ZNF285: variants seen among roughly 807,000 people sequenced by gnomAD.
ZNF285 encodes zinc finger protein 285, also known as zinc finger protein 285A.
A neutral mutation model predicts 6.2 loss-of-function variants in ZNF285; 4 were observed. The ratio of observed to expected loss-of-function variants is 0.65; its 90% CI spans 0.32 to 1.49. The LOEUF (loss-of-function observed/expected upper bound fraction) is 1.49, where lower values mean the gene tolerates loss of function less well. ZNF285 is among the 40% of genes most tolerant of loss of function. The pLI is 0.07. For synonymous variants in ZNF285, 240 were observed against 245.8 expected (o/e 0.98, Z 0.22); for missense variants, 695 against 708.8 (o/e 0.98, Z 0.22).
At position 44,392,479 on chromosome 19, in the gene ZNF285, C is replaced by T. The variant is rs753953581; in HGVS notation, c.16-13G>A. ...ATGTCACCCTTTCCTAAAACATCAACCACATGCCACGTCAATCATCCACAC... is the reference window on the plus strand; with the variant it reads ...ATGTCACCCTTTCCTAAAACATCAATCACATGCCACGTCAATCATCCACAC... On this transcript the variant is annotated splice_polypyrimidine_tract_variant and intron_variant, in intron 2 of 3. Coordinates refer to ENST00000614994, the MANE Select transcript of ZNF285 (RefSeq NM_152354.6). 6 of 1,613,820 alleles carry T rather than the reference C, an allele frequency of 3.7e-6. No homozygotes were observed. In the East Asian group the frequency reaches 6.7e-5, roughly 18 times the overall value.
chr19:44,390,464 C>G (rs1971174634), intron 3 of ZNF285, among the ~76,000 whole-genome samples: 1 of 152,170 alleles, frequency 6.6e-6, no homozygotes, highest in Non-Finnish European at 1.5e-5. Flanking sequence ...TTTGGAACAG[C>G]TGTATTTACA....
rs1282600626 is a variant in ZNF285, at chr19:44,387,650, T to C, written c.595A>G (p.Lys199Glu). 5.6e-6 allele frequency: 9 copies of C among 1,613,924 alleles called. No homozygotes were observed. Among genetic ancestry groups the C allele is most frequent in the African/African-American group, 2.7e-5 (2 of 75,020 alleles). ...SCDHHESQEC[K>E]GEDPGRHPSC... ...GGATGTCTACCAGGGTCCTCTCCTT[T>C]ACATTCTTGGGACTCATGATGATCA... The change falls in exon 4 of 4, where the codon AAA (lysine) becomes GAA (glutamate). Residue 199 changes from lysine to glutamate, a missense_variant. Lys to Glu is a moderately conservative substitution (Grantham distance 56). Transcript: ENST00000614994.
chr19:44,385,588 G>A lies in ZNF285; in HGVS notation c.*884C>T, dbSNP rs1971055944. ...ACATATTGCTATAAAATCCCTCCAT[G>A]CTAGTCAGGATAGCCTAGGCAATGC... is the stretch of plus-strand genomic sequence containing the variant. On this transcript the variant is annotated 3_prime_UTR_variant, in exon 4 of 4. Transcript: ENST00000614994. The A allele has an allele frequency of 6.6e-6, 1 of 152,164 alleles. No individual in the cohort carries two copies. Among genetic ancestry groups the A allele is most frequent in the Non-Finnish European group, 1.5e-5 (1 of 68,038 alleles). The allele number at this position is 152,164 out of a possible 1,614,324, so 9.4% of individuals were successfully genotyped here. A position where few individuals can be genotyped will look rare whatever the true frequency, so the allele number is the denominator to read the frequency against.
rs576447401 is a variant in ZNF285, at chr19:44,394,155, G to A, written c.16-1689C>T. ...AAACCATCATTCTCAGCAAACTATC[G>A]CAAGGATAAAAAACCAAACACCACA... On this transcript the variant is annotated intron_variant, in intron 2 of 3. Coordinates refer to ENST00000614994, the MANE Select transcript of ZNF285 (RefSeq NM_152354.6). Among the ~76,000 whole-genome samples the A allele has an allele frequency of 1.3e-3, 202 of 151,988 alleles. 1 individual carries two copies. The highest frequency in any genetic ancestry group is 2.4e-3 in the Non-Finnish European group (160 of 68,010).
At position 44,383,097 on chromosome 19, in the gene ZNF285, G is replaced by T. The variant is rs1042746650; in HGVS notation, c.*3375C>A. On this transcript the variant is annotated 3_prime_UTR_variant, in exon 4 of 4. Coordinates refer to ENST00000614994, the MANE Select transcript of ZNF285 (RefSeq NM_152354.6). The stretch of plus-strand genomic sequence containing the variant: ...ATAGTAATGCTATGAATTTTCACAT[G>T]CCAATTTCGTGTGAAACCAATTTGT... 1 of 152,144 alleles carries T rather than the reference G, an allele frequency of 6.6e-6. No individual in the cohort carries two copies. The highest frequency in any genetic ancestry group is 1.9e-4 in the East Asian group (1 of 5,208). 9.4% of individuals were successfully genotyped at this position (152,144 alleles called of 1,614,324 possible). A position where few individuals can be genotyped will look rare whatever the true frequency, so the allele number is the denominator to read the frequency against.
Position 44,387,716 on chromosome 19 carries a change from T to A in ZNF285, c.529A>T (p.Arg177Ter). 1 of 1,613,924 alleles carries A rather than the reference T, an allele frequency of 6.2e-7. No homozygotes were observed. The highest frequency in any genetic ancestry group is 2.2e-5 in the East Asian group (1 of 44,886). Residue 177 changes from arginine (R) to a stop codon, truncating the protein, a stop_gained, in exon 4 of 4, where the codon AGA becomes TGA. Coordinates refer to ENST00000614994, the MANE Select transcript of ZNF285 (RefSeq NM_152354.6). LOFTEE classifies it low-confidence loss of function (END_TRUNC). Reference sequence around the variant, plus strand: ...AGGCTGTCATCATGCTGAGCACGTCTGTACAATTTCTCTTCCATGTAAATT... The same window carrying A: ...AGGCTGTCATCATGCTGAGCACGTCAGTACAATTTCTCTTCCATGTAAATT... ...KGIYMEEKLY[R>*]RAQHDDSLSW...
intron 1 of ZNF285, among the ~76,000 whole-genome samples, chr19:44,399,322 G>A (rs2437019): frequency 0.33 from 43,563 of 130,198 alleles, 10,144 homozygotes; most frequent in East Asian, 0.72. Flanking sequence ...GAATTACATC[G>A]TTTTACAATA....
At position 44,383,396 on chromosome 19, in the gene ZNF285, C is replaced by G. The variant is rs2123251198; in HGVS notation, c.*3076G>C. The G allele has an allele frequency of 6.6e-6, 1 of 152,310 alleles. No homozygotes were observed. Among genetic ancestry groups the G allele is most frequent in the African/African-American group, 2.4e-5 (1 of 41,568 alleles). 9.4% of individuals were successfully genotyped at this position (152,310 alleles called of 1,614,324 possible). A position where few individuals can be genotyped will look rare whatever the true frequency, so the allele number is the denominator to read the frequency against. On this transcript the variant is annotated 3_prime_UTR_variant, in exon 4 of 4. Coordinates refer to ENST00000614994, the MANE Select transcript of ZNF285 (RefSeq NM_152354.6). ...GATCACAGCTTTTGCCCTTGAAACC[C>G]TGGCACTATGGGACCAACCCTCGAT... is the stretch of plus-strand genomic sequence containing the variant.
Position 44,385,280 on chromosome 19 carries a change from A to G in ZNF285, c.*1192T>C, listed in dbSNP as rs1055741036. On this transcript the variant is annotated 3_prime_UTR_variant, in exon 4 of 4. Coordinates refer to ENST00000614994, the MANE Select transcript of ZNF285 (RefSeq NM_152354.6). The stretch of plus-strand genomic sequence containing the variant: ...TCTAGTTAATTTTTAATCGCATTTA[A>G]GGTGTGAGCTGACAAACCTATTCAG... The G allele has an allele frequency of 6.6e-6, 1 of 152,234 alleles. No individual in the cohort carries two copies. The highest frequency in any genetic ancestry group is 1.5e-5 in the Non-Finnish European group (1 of 68,048). The allele number at this position is 152,234 out of a possible 1,614,324, so 9.4% of individuals were successfully genotyped here.
chr19:44,386,730 A>T lies in ZNF285; in HGVS notation c.1515T>A (p.Asp505Glu). ...YSSYFHLHQR[D>E]HIREKPYKCD... Reference sequence around the variant, plus strand: ...ATTTATATGGTTTCTCTCTGATGTGATCTCTTTGATGTAAGTGAAAATATG... The same window carrying T: ...ATTTATATGGTTTCTCTCTGATGTGTTCTCTTTGATGTAAGTGAAAATATG... The change falls in exon 4 of 4, where the codon GAT becomes GAA. Residue 505 changes from aspartate (D) to glutamate (E), a missense_variant. Transcript: ENST00000614994. 1 of 1,614,118 alleles carries T rather than the reference A, an allele frequency of 6.2e-7. No individual in the cohort carries two copies. The highest frequency in any genetic ancestry group is 8.5e-7 in the Non-Finnish European group (1 of 1,180,018).
intron 2 of ZNF285, among the ~76,000 whole-genome samples, chr19:44,396,447 G>A (rs1971281660): frequency 6.6e-6 from 1 of 152,116 alleles, no homozygotes; most frequent in Admixed American, 6.5e-5. Context: ...ACTAATCTAG[G>A]TATTGCTATG....
At chr19:44,392,035 A>G (rs1409589533) in intron 3 of ZNF285, among the ~76,000 whole-genome samples, 1 of 152,102 alleles carries the variant, frequency 6.6e-6, no homozygotes, top group African/African-American at 2.4e-5. Context: ...TATCAGTCTC[A>G]TTCTGAGAAA....
Position 44,387,261 on chromosome 19 carries a change from G to C in ZNF285, c.984C>G (p.Ser328Arg), listed in dbSNP as rs151191161. The C allele has an allele frequency of 5.0e-6, 8 of 1,614,100 alleles. No individual in the cohort carries two copies. The highest frequency in any genetic ancestry group is 1.3e-5 in the African/African-American group (1 of 75,014). ...CKECGKGFRR[S>R]SSLHNHHRVH... is the part of the protein sequence containing the mutation. ...CTCGATGATGGTTGTGAAGGGAAGA[G>C]CTGCGCCTGAAGCCCTTGCCACATT... is the stretch of plus-strand genomic sequence containing the variant. Residue 328 changes from serine (S) to arginine (R), a missense_variant, in exon 4 of 4, where the codon AGC becomes AGG. Ser to Arg is a moderately radical substitution (Grantham distance 110, BLOSUM62 -1). Coordinates refer to ENST00000614994, the MANE Select transcript of ZNF285 (RefSeq NM_152354.6).
chr19:44,390,959 TC>T lies in ZNF285; in HGVS notation c.142+1380del, dbSNP rs1971184015. Among the ~76,000 whole-genome samples the T allele has an allele frequency of 2.0e-5, 3 of 152,012 alleles. No individual in the cohort carries two copies. In the South Asian group the frequency reaches 6.2e-4, roughly 32 times the overall value. ...TCACGAGGTCAAGAGATTGAGGCCA[TC>T]TTGGCCGACATGGTGAAATCCCATC... On this transcript the variant is annotated intron_variant, in intron 3 of 3. Transcript: ENST00000614994.
chr19:44,394,486 C>A (rs755681661), intron 2 of ZNF285: 13 of 492,986 alleles, frequency 2.6e-5, no homozygotes, highest in Non-Finnish European at 1.1e-5. Flanking sequence ...TTACACCAAA[C>A]CCCCGCAACA....
At chr19:44,388,533 C>T (rs956946897) in intron 3 of ZNF285, among the ~76,000 whole-genome samples, 23 of 152,048 alleles carry the variant, frequency 1.5e-4, no homozygotes, top group African/African-American at 5.1e-4. Context: ...GATTGTGCCA[C>T]TGCATTCCAG....
At chr19:44,395,794 A>G (rs900207401) in intron 2 of ZNF285, among the ~76,000 whole-genome samples, 2 of 152,156 alleles carry the variant, frequency 1.3e-5, no homozygotes, top group Non-Finnish European at 2.9e-5. Context: ...ATAATGTGCC[A>G]GTTCTAAACC....
intron 1 of ZNF285, among the ~76,000 whole-genome samples, chr19:44,399,361 C>T (rs1301320609): frequency 7.2e-6 from 1 of 139,128 alleles, no homozygotes; most frequent in African/African-American, 3.1e-5. Context: ...AACACTCCTC[C>T]TTTCCCCTGT....
At chr19:44,395,355 G>A (rs1312449220) in intron 2 of ZNF285, among the ~76,000 whole-genome samples, 1 of 152,098 alleles carries the variant, frequency 6.6e-6, no homozygotes. Context: ...CCAAATGTAG[G>A]AAAGAACACA....
Sources: gnomAD v4.1 joint callset for allele counts (sites outside exome capture counted in the v4.1 genomes callset) on GRCh38, gnomAD v4.1.1 for gene constraint, MANE v1.5 for transcripts, NCBI Gene and HGNC (gene_info 2026-07-23, HGNC 2026-07-21) for gene names.